The following ZNF385D variants were observed in gnomAD, a reference collection of about 807,000 sequenced individuals.
The protein encoded by ZNF385D is zinc finger protein 385D.
Under a neutral mutation model 35.8 loss-of-function variants are expected in ZNF385D, and 15 were observed. The ratio of observed to expected loss-of-function variants is 0.42; its 90% CI spans 0.28 to 0.64. The LOEUF (loss-of-function observed/expected upper bound fraction) is 0.64, where lower values mean the gene tolerates loss of function less well. Ranked by LOEUF, ZNF385D falls within the 30% of genes least tolerant of loss-of-function variation. The pLI is 0.23. For synonymous variants in ZNF385D, 212 were observed against 186.8 expected (o/e 1.13, Z -1.10); for missense variants, 474 against 494.6 (o/e 0.96, Z 0.39).
intron 3 of ZNF385D, among the ~76,000 whole-genome samples, chr3:21,947,632 G>A (rs187970488): frequency 6.6e-6 from 1 of 152,216 alleles, no homozygotes; most frequent in Non-Finnish European, 1.5e-5. Flanking sequence ...TTCCAGGCGT[G>A]AGCCACCGCG....
chr3:21,678,073 A>G (rs1334612864), intron 1 of ZNF385D, among the ~76,000 whole-genome samples: 2 of 152,154 alleles, frequency 1.3e-5, no homozygotes, highest in Non-Finnish European at 2.9e-5. Flanking sequence ...AATCCAGTTA[A>G]TCACAGTTTG....
intron 3 of ZNF385D, among the ~76,000 whole-genome samples, chr3:22,126,543 A>G (rs1703441564): frequency 6.6e-6 from 1 of 151,890 alleles, no homozygotes; most frequent in African/African-American, 2.4e-5. Flanking sequence ...GGTCGAGAAG[A>G]TATTTGATAT....
chr3:22,279,513 TATATAC>T (rs1364726015), intron 2 of ZNF385D, among the ~76,000 whole-genome samples: 4 of 134,710 alleles, frequency 3.0e-5, no homozygotes, highest in African/African-American at 6.7e-5. Flanking sequence ...CATATATATG[TATATAC>T]ATATACATAT....
intron 4 of ZNF385D, among the ~76,000 whole-genome samples, chr3:21,479,628 A>G (rs1337780263): frequency 6.6e-6 from 1 of 152,188 alleles, no homozygotes; most frequent in East Asian, 1.9e-4. Flanking sequence ...AGTGTTCAGC[A>G]GGCTGCTGAT....
intron 3 of ZNF385D, among the ~76,000 whole-genome samples, chr3:21,874,412 A>G (rs1272292596): frequency 1.3e-5 from 2 of 152,044 alleles, no homozygotes; most frequent in East Asian, 3.9e-4. Flanking sequence ...TTAACTCCTT[A>G]TCAAATATAT....
At chr3:22,043,865 C>G (rs2125510800) in intron 3 of ZNF385D, among the ~76,000 whole-genome samples, 1 of 152,238 alleles carries the variant, frequency 6.6e-6, no homozygotes, top group South Asian at 2.1e-4. Flanking sequence ...TTTGATAAGG[C>G]TGGCTTCCCT....
chr3:21,436,172 C>T (rs1441739872), intron 5 of ZNF385D, among the ~76,000 whole-genome samples: 2 of 151,846 alleles, frequency 1.3e-5, no homozygotes, highest in African/African-American at 4.8e-5. Context: ...TGTGTGTACA[C>T]ACAGATGAGG....
chr3:21,767,155 T>G (rs1428209954), intron 3 of ZNF385D, among the ~76,000 whole-genome samples: 1 of 151,228 alleles, frequency 6.6e-6, no homozygotes, highest in Non-Finnish European at 1.5e-5. Flanking sequence ...TATTGTCAAT[T>G]GAGAGTCTTA....
intron 3 of ZNF385D, among the ~76,000 whole-genome samples, chr3:21,778,185 T>G (rs1021981394): frequency 6.6e-6 from 1 of 151,890 alleles, no homozygotes; most frequent in Non-Finnish European, 1.5e-5. Context: ...TGCCCCTCAT[T>G]TAGAAACAGT....
intron 3 of ZNF385D, among the ~76,000 whole-genome samples, chr3:21,841,116 C>T (rs147153863): frequency 3.3e-5 from 5 of 152,136 alleles, no homozygotes; most frequent in Non-Finnish European, 7.4e-5. Context: ...CAAGGACATT[C>T]AGAGCAATGA....
rs9853490 is a variant in ZNF385D at position 21,679,010 on chromosome 3, C to G, written c.23-13982G>C. On this transcript the variant is annotated intron_variant, in intron 1 of 7. Coordinates refer to ENST00000281523, the MANE Select transcript of ZNF385D (RefSeq NM_024697.3). The stretch of plus-strand genomic sequence containing the variant: ...AGCTGAAAGGCCCTGCCACCCACCC[C>G]CCAACCCCATCCACTTAGCATGATA... Among the ~76,000 whole-genome samples, 1,514 of 152,014 alleles carry G rather than the reference C, an allele frequency of 1.0e-2. 34 individuals carry two copies. The highest frequency in any genetic ancestry group is 0.034 in the African/African-American group (1,419 of 41,472).
At chr3:21,838,012 G>A (rs1695435068) in intron 3 of ZNF385D, among the ~76,000 whole-genome samples, 1 of 152,084 alleles carries the variant, frequency 6.6e-6, no homozygotes, top group South Asian at 2.1e-4. Flanking sequence ...GGTTTGTGGA[G>A]CCTATGGGCC....
chr3:21,514,421 A>G lies in ZNF385D; in HGVS notation c.277-3398T>C, dbSNP rs1707430102. On this transcript the variant is annotated intron_variant, in intron 3 of 7. Transcript: ENST00000281523. ...GAGCTTTAACAGCTATTTTTATTAA[A>G]TTGAATTAAGTTTAGCCTAAAGCTA... Among the ~76,000 whole-genome samples the G allele has an allele frequency of 2.0e-5, 3 of 152,152 alleles. No individual in the cohort carries two copies. The South Asian group carries it at 6.2e-4, about 32-fold the overall frequency.
chr3:22,176,238 T>C (rs566082401), intron 2 of ZNF385D, among the ~76,000 whole-genome samples: 2 of 152,174 alleles, frequency 1.3e-5, no homozygotes, highest in Admixed American at 1.3e-4. Context: ...AACTCACCAA[T>C]ATTTAGCCAC....
intron 3 of ZNF385D, among the ~76,000 whole-genome samples, chr3:22,092,121 A>T (rs945052022): frequency 2.6e-5 from 4 of 152,204 alleles, no homozygotes; most frequent in South Asian, 2.1e-4. Context: ...AACCAAAGGC[A>T]TGCACTGTCC....
At chr3:22,136,163 C>T (rs560903810) in intron 3 of ZNF385D, among the ~76,000 whole-genome samples, 7 of 152,126 alleles carry the variant, frequency 4.6e-5, no homozygotes, top group Non-Finnish European at 8.8e-5. Flanking sequence ...GCGGATGGAT[C>T]GCCTGAGCTC....
chr3:21,487,727 C>T (rs922644394), intron 4 of ZNF385D, among the ~76,000 whole-genome samples: 1 of 152,102 alleles, frequency 6.6e-6, no homozygotes, highest in Non-Finnish European at 1.5e-5. Flanking sequence ...GATTTGCTGA[C>T]GTCACATCTT....
At chr3:22,127,316 G>GTTTTTTTT (rs1559389409) in intron 3 of ZNF385D, among the ~76,000 whole-genome samples, 2 of 76,050 alleles carry the variant, frequency 2.6e-5, no homozygotes, top group African/African-American at 1.1e-4. Context: ...TTCATTTCCT[G>GTTTTTTTT]CTTTTTTTTT....
intron 3 of ZNF385D, among the ~76,000 whole-genome samples, chr3:21,796,043 C>T (rs2072135876): frequency 1.3e-5 from 2 of 152,284 alleles, no homozygotes; most frequent in South Asian, 4.1e-4. Context: ...GTCCAGAAAA[C>T]TCTCAGTTTC....
Sources: allele counts gnomAD v4.1 joint callset (sites outside exome capture counted in the v4.1 genomes callset), GRCh38; gene constraint gnomAD v4.1.1; transcripts MANE v1.5; gene names NCBI Gene and HGNC (gene_info 2026-07-23, HGNC 2026-07-21).